Variants in KRT25 observed in about 807,000 individuals in gnomAD.
KRT25 encodes keratin, type I cytoskeletal 25.
KRT25 carries 37 observed loss-of-function variants against 47.6 expected under a neutral mutation model. The ratio of observed to expected loss-of-function variants is 0.78; its 90% CI spans 0.60 to 1.02. KRT25 has a LOEUF of 1.02. Among genes scored for constraint, KRT25 ranks in the 50% least tolerant of loss-of-function variants. KRT25 has a pLI of 0.00. For missense variants in KRT25, 542 were observed against 550.3 expected, an observed-to-expected ratio of 0.98 and a Z score of 0.15; for synonymous variants, 203 against 210.2, an observed-to-expected ratio of 0.97 and a Z score of 0.30.
chr17:40,753,347 A>T (rs1168551384), intron 3 of KRT25, among the ~76,000 whole-genome samples: 1 of 150,760 alleles, frequency 6.6e-6, no homozygotes, highest in Non-Finnish European at 1.5e-5. Context: ...TTTTTTCCCC[A>T]TAGGAAACTT....
chr17:40,754,206 G>A (rs779241363), intron 2 of KRT25, among the ~76,000 whole-genome samples, 180 bp downstream of exon 2: 1 of 152,188 alleles, frequency 6.6e-6, no homozygotes, highest in African/African-American at 2.4e-5. Context: ...CTAGGGTATT[G>A]GGCGCTAGTT....
In KRT25 at chr17:40,749,864, G is replaced by T. The variant is rs11078954; in HGVS notation, c.1175+516C>A. ...TAAGAAGTGATTTTTTTTTCTGTAT[G>T]ATTCCTTTTATATTAACATCAAGAA... On this transcript the variant is annotated intron_variant, in intron 6 of 7. Coordinates refer to ENST00000312150, the MANE Select transcript of KRT25 (RefSeq NM_181534.4). Among the ~76,000 whole-genome samples, 363 of 151,982 alleles carry T rather than the reference G, an allele frequency of 2.4e-3. 3 individuals are homozygous for T. Among genetic ancestry groups the T allele is most frequent in the African/African-American group, 8.6e-3 (355 of 41,432 alleles).
chr17:40,748,163 CAGAAAGACAACAGGTTAGACATTTTTCTT>C lies in KRT25; in HGVS notation c.*85_*113del. On this transcript the variant is annotated 3_prime_UTR_variant, in exon 8 of 8. Transcript: ENST00000312150. ...CATTGATTGCCCAGAAAGAAAGTAA[CAGAAAGACAACAGGTTAGACATTTTTCTT>C]AGACATGCACATTTTTCTGGACAGA... 1 of 620,460 alleles carries C rather than the reference CAGAAAGACAACAGGTTAGACATTTTTCTT, an allele frequency of 1.6e-6. No homozygotes were observed. Among genetic ancestry groups the C allele is most frequent in the Non-Finnish European group, 2.7e-6 (1 of 365,558 alleles). The allele number at this position is 620,460 out of a possible 1,614,324, so 38.4% of individuals were successfully genotyped here. A position where few individuals can be genotyped will look rare whatever the true frequency, so the allele number is the denominator to read the frequency against.
At position 40,748,267 on chromosome 17, in the gene KRT25, G is replaced by C. The variant is rs1200776146; in HGVS notation, c.*10C>G. ...GGCTATGTGGCATACGTTCTCTGTT[G>C]CATCTCAAATTAATTGCTTTGAGAT... On this transcript the variant is annotated 3_prime_UTR_variant, in exon 8 of 8. Transcript: ENST00000312150. 2 of 1,565,906 alleles carry C rather than the reference G, an allele frequency of 1.3e-6. No individual in the cohort carries two copies. The highest frequency in any genetic ancestry group is 2.2e-5 in the East Asian group (1 of 44,478).
rs1247866698 is a variant in KRT25, at chr17:40,751,343, G to GTTC, written c.670-20_670-18dup. ...TTGCATTTCCTAGAGGCAGAAAAGT[G>GTTC]TTCTGCTCAGCTCTGCAGGAATCTC... On this transcript the variant is annotated splice_polypyrimidine_tract_variant and intron_variant, in intron 3 of 7. Transcript: ENST00000312150. 1.6e-5 allele frequency: 25 copies of GTTC among 1,598,552 alleles called. No homozygotes were observed. Among genetic ancestry groups the GTTC allele is most frequent in the Non-Finnish European group, 1.9e-5 (22 of 1,173,010 alleles).
chr17:40,750,682 A>C, intron 5 of KRT25, 85 bp from the exon 6 acceptor site: 1 of 1,566,406 alleles, frequency 6.4e-7, no homozygotes, highest in Non-Finnish European at 8.7e-7. Flanking sequence ...CCTGCTGTTA[A>C]CTTTACATAT....
Position 40,749,302 on chromosome 17 carries a change from T to G in KRT25, c.1199A>C (p.Lys400Thr). The G allele has an allele frequency of 4.3e-6, 7 of 1,613,654 alleles. No individual in the cohort carries two copies. The highest frequency in any genetic ancestry group is 5.9e-6 in the Non-Finnish European group (7 of 1,179,580). ...ATTTCCAGATCCATAATCTTTAGAC[T>G]TGTAACCCCCAGACTTACAGGCTCT... ...DDGACKSGGY[K>T]SKDYGSGNVG... Residue 400 changes from lysine to threonine, a missense_variant, in exon 7 of 8, where the codon AAG (lysine) becomes ACG (threonine). Transcript: ENST00000312150.
In KRT25 at chr17:40,755,293, C is replaced by T. The variant is rs1445471227; in HGVS notation, c.-22G>A. ...ACATGGTATCAGGGCAAACGCGTTG[C>T]AGAGCTGTATTTGTGAAAGCCAGAA... On this transcript the variant is annotated 5_prime_UTR_variant, in exon 1 of 8. Transcript: ENST00000312150. 1.7e-5 allele frequency: 27 copies of T among 1,598,488 alleles called. No homozygotes were observed. Among genetic ancestry groups the T allele is most frequent in the Non-Finnish European group, 2.1e-5 (25 of 1,172,336 alleles).
intron 7 of KRT25, 46 bp downstream of exon 7, chr17:40,749,212 A>T (rs1465193990): frequency 6.9e-7 from 1 of 1,450,480 alleles, no homozygotes; most frequent in Non-Finnish European, 9.7e-7. Flanking sequence ...ATTAAAAGTT[A>T]AAAAATAAAA....
rs894476209 is a variant in KRT25, at chr17:40,755,319, T to C, written c.-48A>G. On this transcript the variant is annotated 5_prime_UTR_variant, in exon 1 of 8. Transcript: ENST00000312150. ...AGAGCTGTATTTGTGAAAGCCAGAA[T>C]GGAGTGCCTTCTTGTCTAAAAGGTT... The C allele has an allele frequency of 3.2e-6, 5 of 1,550,000 alleles. No homozygotes were observed. In the African/African-American group the frequency reaches 5.5e-5, roughly 17 times the overall value.
At chr17:40,752,614 C>T (rs1372293071) in intron 3 of KRT25, among the ~76,000 whole-genome samples, 2 of 152,090 alleles carry the variant, frequency 1.3e-5, no homozygotes, top group African/African-American at 4.8e-5. Context: ...TGTATATCAT[C>T]TATATCTATA....
intron 3 of KRT25, among the ~76,000 whole-genome samples, chr17:40,753,620 C>CTTGCAGTGAGCCAAGATCGCACCA (rs1470340911): frequency 2.3e-5 from 3 of 131,064 alleles, no homozygotes; most frequent in Admixed American, 1.9e-4. Flanking sequence ...GGAGGCGGAG[C>CTTGCAGTGAGCCAAGATCGCACCA]TTGCAGTGAG....
intron 6 of KRT25, among the ~76,000 whole-genome samples, chr17:40,749,666 A>T (rs1397022020): frequency 6.6e-6 from 1 of 152,198 alleles, no homozygotes; most frequent in African/African-American, 2.4e-5. Context: ...TGACAAATTT[A>T]TATAGCTGTG....
rs1223328890 is a variant in KRT25, at chr17:40,755,188, G to T, written c.84C>A (p.Thr28=). ...TGSLRLYGGG[T]SFGTGNSCGI... is the part of the protein sequence containing the mutation. The stretch of plus-strand genomic sequence containing the variant: ...CACAAGAATTTCCAGTACCAAAGCT[G>T]GTTCCCCCACCATAGAGTCTGAGTG... The change falls in exon 1 of 8, where the codon ACC becomes ACA. Residue 28 remains threonine (T), a synonymous_variant. Coordinates refer to ENST00000312150, the MANE Select transcript of KRT25 (RefSeq NM_181534.4). 1 of 1,614,198 alleles carries T rather than the reference G, an allele frequency of 6.2e-7. No individual in the cohort carries two copies. The highest frequency in any genetic ancestry group is 1.7e-5 in the Admixed American group (1 of 60,020).
At position 40,750,076 on chromosome 17, in the gene KRT25, A is replaced by G. The variant is rs1343152269; in HGVS notation, c.1175+304T>C. ...CAGGATTCTGTGAGTGCTGAGCTCC[A>G]GAAACCATTTCCAGAGTCAGAATCC... On this transcript the variant is annotated intron_variant, in intron 6 of 7. Coordinates refer to ENST00000312150, the MANE Select transcript of KRT25 (RefSeq NM_181534.4). Among the ~76,000 whole-genome samples, 4 of 152,196 alleles carry G rather than the reference A, an allele frequency of 2.6e-5. No homozygotes were observed. In the East Asian group the frequency reaches 5.8e-4, roughly 22 times the overall value.
In KRT25 at chr17:40,755,303, T is replaced by A. The variant is rs1437714400; in HGVS notation, c.-32A>T. 1.9e-6 allele frequency: 3 copies of A among 1,586,422 alleles called. No individual in the cohort carries two copies. The highest frequency in any genetic ancestry group is 3.5e-5 in the Admixed American group (2 of 56,856). ...AGGGCAAACGCGTTGCAGAGCTGTA[T>A]TTGTGAAAGCCAGAATGGAGTGCCT... On this transcript the variant is annotated 5_prime_UTR_variant, in exon 1 of 8. Coordinates refer to ENST00000312150, the MANE Select transcript of KRT25 (RefSeq NM_181534.4).
Position 40,753,999 on chromosome 17 carries a change from G to A in KRT25, c.530C>T (p.Ala177Val), listed in dbSNP as rs1418916932. Reference sequence around the variant, plus strand: ...ATCAGCCTCTACACTCTGGTGAAGAGCCAGCTCATTTTCATACCTTAAAGA... The same window carrying A: ...ATCAGCCTCTACACTCTGGTGAAGAACCAGCTCATTTTCATACCTTAAAGA... ...DFRLKYENEL[A>V]LHQSVEADVN... is the part of the protein sequence containing the mutation. Residue 177 changes from alanine to valine, a missense_variant, in exon 3 of 8, where the codon GCT becomes GTT. Transcript: ENST00000312150. The A allele has an allele frequency of 1.2e-6, 2 of 1,613,954 alleles. No individual in the cohort carries two copies. Among genetic ancestry groups the A allele is most frequent in the South Asian group, 2.2e-5 (2 of 91,084 alleles).
Position 40,753,860 on chromosome 17 carries a change from C to T in KRT25, c.669G>A (p.Glu223=), listed in dbSNP as rs368305279. The change falls in exon 3 of 8, where the codon GAG becomes GAA. Residue 223 remains glutamate, a splice_region_variant and synonymous_variant. Transcript: ENST00000312150. ...EMTYLKKNHK[E]EMQVLQCAAG... Reference sequence around the variant, plus strand: ...CAAAATGTAGACGACCAGCTCTTACCTCTTTATGGTTCTTTTTGAGGTAAG... The same window carrying T: ...CAAAATGTAGACGACCAGCTCTTACTTCTTTATGGTTCTTTTTGAGGTAAG... 1.0e-4 allele frequency: 162 copies of T among 1,613,732 alleles called. No individual in the cohort carries two copies. Among genetic ancestry groups the T allele is most frequent in the Non-Finnish European group, 1.3e-4 (152 of 1,179,904 alleles).
chr17:40,754,922 T>G lies in KRT25; in HGVS notation c.350A>C (p.Lys117Thr). ...LEQKIKGWYE[K>T]FGPGSCRGLD... ...ACCACGGCAAGAGCCAGGCCCAAATTTCTCATACCAGCCCTTGATCTTCTG... is the reference window on the plus strand; with the variant it reads ...ACCACGGCAAGAGCCAGGCCCAAATGTCTCATACCAGCCCTTGATCTTCTG... The change falls in exon 1 of 8, where the codon AAA (lysine) becomes ACA (threonine). Residue 117 changes from lysine to threonine, a missense_variant. Lys to Thr is a moderately conservative substitution (Grantham distance 78). Transcript: ENST00000312150. The G allele has an allele frequency of 6.2e-7, 1 of 1,614,132 alleles. No individual in the cohort carries two copies. The highest frequency in any genetic ancestry group is 8.5e-7 in the Non-Finnish European group (1 of 1,180,024).
Sources: allele counts gnomAD v4.1 joint callset (sites outside exome capture counted in the v4.1 genomes callset), GRCh38; gene constraint gnomAD v4.1.1; transcripts MANE v1.5; gene names NCBI Gene and HGNC (gene_info 2026-07-23, HGNC 2026-07-21).